Variants in XRCC5 observed in about 807,000 individuals in gnomAD.
XRCC5 encodes the protein X-ray repair cross complementing 5.
XRCC5 carries 12 observed loss-of-function variants against 95.7 expected under a neutral mutation model. The observed-to-expected ratio is 0.13, with a 90% CI of 0.08 to 0.20. The LOEUF (loss-of-function observed/expected upper bound fraction) is 0.20. Ranked by LOEUF, XRCC5 falls within the 10% of genes least tolerant of loss-of-function variation. XRCC5 has a pLI of 1.00. For missense variants in XRCC5, 595 were observed against 873.9 expected (o/e 0.68, Z 4.02); for synonymous variants, 281 against 290.3 (o/e 0.97, Z 0.33).
At chr2:216,128,938 G>T (rs1696937060) in intron 8 of XRCC5, among the ~76,000 whole-genome samples, 1 of 152,228 alleles carries the variant, frequency 6.6e-6, no homozygotes, top group Non-Finnish European at 1.5e-5. Flanking sequence ...CTGCTTCAGA[G>T]TCTGTGCCTG....
At chr2:216,168,071 A>C (rs1225137164) in intron 16 of XRCC5, among the ~76,000 whole-genome samples, 1 of 152,208 alleles carries the variant, frequency 6.6e-6, no homozygotes, top group Non-Finnish European at 1.5e-5. Context: ...AAGTGGTCTC[A>C]TTGTAACACA....
At position 216,137,079 on chromosome 2, in the gene XRCC5, T is replaced by C. The variant is rs747428407; in HGVS notation, c.1114-9T>C. 1.9e-6 allele frequency: 3 copies of C among 1,611,800 alleles called. No homozygotes were observed. The East Asian group carries it at 6.7e-5, about 36-fold the overall frequency. ...GAATATGTGTTAATACATCCATCTT[T>C]CTTACCAGGCAGCTGCAGTTGCACT... On this transcript the variant is annotated splice_polypyrimidine_tract_variant and intron_variant, in intron 10 of 20. Coordinates refer to ENST00000392132, the MANE Select transcript of XRCC5 (RefSeq NM_021141.4).
chr2:216,129,646 C>T (rs992106171), intron 8 of XRCC5, among the ~76,000 whole-genome samples: 14 of 152,092 alleles, frequency 9.2e-5, no homozygotes, highest in Non-Finnish European at 2.1e-4. Context: ...TTGTCACTAG[C>T]TTTTTAAAAA....
intron 16 of XRCC5, among the ~76,000 whole-genome samples, chr2:216,176,846 A>T (rs945970266): frequency 2.6e-5 from 4 of 152,194 alleles, no homozygotes; most frequent in Non-Finnish European, 5.9e-5. Context: ...AAAGCTATAC[A>T]TTTCCTGCTA....
At chr2:216,113,360 C>T (rs1409087100) in intron 2 of XRCC5, among the ~76,000 whole-genome samples, 1 of 152,102 alleles carries the variant, frequency 6.6e-6, no homozygotes, top group African/African-American at 2.4e-5. Context: ...TTATCGGAAA[C>T]AAGAGGCAGT....
intron 16 of XRCC5, among the ~76,000 whole-genome samples, chr2:216,163,976 TAGA>T (rs1271394611): frequency 6.6e-6 from 1 of 152,182 alleles, no homozygotes; most frequent in Non-Finnish European, 1.5e-5. Context: ...CTCATGTAAA[TAGA>T]AGGAGATCTG....
chr2:216,189,692 A>G (rs759568750), intron 16 of XRCC5, among the ~76,000 whole-genome samples: 4 of 152,210 alleles, frequency 2.6e-5, no homozygotes, highest in Non-Finnish European at 4.4e-5. Flanking sequence ...CGAAAGGGAT[A>G]TTTTGTTAAG....
intron 16 of XRCC5, among the ~76,000 whole-genome samples, chr2:216,176,272 C>G (rs1364151146): frequency 6.6e-6 from 1 of 152,160 alleles, no homozygotes; most frequent in Non-Finnish European, 1.5e-5. Flanking sequence ...GCGCCCGCCA[C>G]CACACCCGGC....
intron 17 of XRCC5, 53 bp downstream of exon 17, chr2:216,190,387 GGGAAA>G: frequency 6.7e-7 from 1 of 1,491,414 alleles, no homozygotes. Context: ...GACTATCACA[GGGAAA>G]GAGGCATACA....
chr2:216,204,559 A>G (rs1689906069), intron 20 of XRCC5, among the ~76,000 whole-genome samples, 163 bp downstream of exon 20: 1 of 152,178 alleles, frequency 6.6e-6, no homozygotes, highest in Non-Finnish European at 1.5e-5. Context: ...TATAAATTCA[A>G]TCAGATAGGT....
intron 19 of XRCC5, among the ~76,000 whole-genome samples, chr2:216,199,336 T>C (rs77788076): frequency 0.014 from 2,139 of 152,310 alleles, 49 homozygotes; most frequent in African/African-American, 0.049. Context: ...GCTATTACCC[T>C]CCAGTTTTTC....
chr2:216,162,992 AG>A (rs1330757843), intron 16 of XRCC5, among the ~76,000 whole-genome samples: 1 of 152,204 alleles, frequency 6.6e-6, no homozygotes, highest in East Asian at 1.9e-4. Flanking sequence ...TTAATCCTGC[AG>A]GTTTATATAT....
intron 13 of XRCC5, among the ~76,000 whole-genome samples, chr2:216,143,139 C>G (rs1697197931): frequency 6.6e-6 from 1 of 152,172 alleles, no homozygotes; most frequent in African/African-American, 2.4e-5. Flanking sequence ...ATATCACTGC[C>G]CAGCATTGTA....
At chr2:216,115,327 G>A (rs900094564) in intron 2 of XRCC5, among the ~76,000 whole-genome samples, 2 of 152,098 alleles carry the variant, frequency 1.3e-5, no homozygotes, top group African/African-American at 4.8e-5. Flanking sequence ...GTCAGAATCA[G>A]GAAGTCAGAA....
intron 16 of XRCC5, 98 bp from the exon 17 acceptor site, chr2:216,190,127 T>C: frequency 1.1e-6 from 1 of 935,900 alleles, no homozygotes; most frequent in Admixed American, 2.5e-5. Context: ...ACCATGAGGC[T>C]TGTGAACTAT....
intron 1 of XRCC5, among the ~76,000 whole-genome samples, chr2:216,110,981 A>T (rs1696582020): frequency 6.6e-6 from 1 of 151,982 alleles, no homozygotes; most frequent in Non-Finnish European, 1.5e-5. Context: ...TTTTCTTTTC[A>T]TGTGTTGCCT....
At chr2:216,116,979 T>C in intron 3 of XRCC5, 137 bp downstream of exon 3, 1 of 904,422 alleles carries the variant, frequency 1.1e-6, no homozygotes, top group Non-Finnish European at 1.7e-6. Context: ...GGAGGTAATG[T>C]GTTAATAGGG....
At chr2:216,180,090 T>C (rs1039896497) in intron 16 of XRCC5, among the ~76,000 whole-genome samples, 1 of 152,192 alleles carries the variant, frequency 6.6e-6, no homozygotes, top group Non-Finnish European at 1.5e-5. Flanking sequence ...AAGGAGAAGA[T>C]GGTCATGCAG....
At chr2:216,188,713 G>C (rs1359856211) in intron 16 of XRCC5, among the ~76,000 whole-genome samples, 6 of 152,114 alleles carry the variant, frequency 3.9e-5, no homozygotes, top group African/African-American at 1.4e-4. Context: ...ACTTCTGTTT[G>C]CTTTGAGCTT....
Sources: allele counts gnomAD v4.1 joint callset (sites outside exome capture counted in the v4.1 genomes callset), GRCh38; gene constraint gnomAD v4.1.1; transcripts MANE v1.5; gene names NCBI Gene and HGNC (gene_info 2026-07-23, HGNC 2026-07-21).